The following WDPCP variants were observed in gnomAD, a reference collection of about 807,000 sequenced individuals.
The protein encoded by WDPCP is WD repeat-containing and planar cell polarity effector protein fritz homolog.
Under a neutral mutation model 93.1 loss-of-function variants are expected in WDPCP, and 71 were observed. The observed-to-expected ratio is 0.76, with a 90% confidence interval of 0.63 to 0.93. The LOEUF (loss-of-function observed/expected upper bound fraction) is 0.93. WDPCP is among the 40% of genes least tolerant of loss of function. The probability of loss-of-function intolerance (pLI) is 0.00; values close to 1 mark genes in which losing one functional copy is unlikely to be tolerated. For synonymous variants in WDPCP, 315 were observed against 315.0 expected, an observed-to-expected ratio of 1.00 and a Z score of 0.00; for missense variants, 844 against 887.4, an observed-to-expected ratio of 0.95 and a Z score of 0.62.
intron 10 of WDPCP, among the ~76,000 whole-genome samples, chr2:63,385,494 T>C (rs1692654163): frequency 6.6e-6 from 1 of 152,068 alleles, no homozygotes. Context: ...ACAATAAAAA[T>C]TGTAATAAAA....
At chr2:63,420,267 A>T (rs1269227772) in intron 9 of WDPCP, among the ~76,000 whole-genome samples, 4 of 151,840 alleles carry the variant, frequency 2.6e-5, no homozygotes, top group Non-Finnish European at 5.9e-5. Flanking sequence ...TCACGCCTGT[A>T]ATCCCAACAC....
intron 6 of WDPCP, among the ~76,000 whole-genome samples, chr2:63,470,443 T>G (rs1161268443): frequency 1.3e-5 from 2 of 152,136 alleles, no homozygotes; most frequent in East Asian, 3.9e-4. Flanking sequence ...ATTCTTCCAA[T>G]TCCTCAGAAA....
chr2:63,407,540 CTA>C (rs940733379), intron 9 of WDPCP, among the ~76,000 whole-genome samples: 6 of 152,162 alleles, frequency 3.9e-5, no homozygotes, highest in Admixed American at 1.3e-4. Flanking sequence ...TTTCCCTGCT[CTA>C]TAACTTCATT....
intron 4 of WDPCP, among the ~76,000 whole-genome samples, chr2:63,485,906 AAAC>A (rs1333429664): frequency 6.6e-6 from 1 of 151,834 alleles, no homozygotes; most frequent in African/African-American, 2.4e-5. Flanking sequence ...TTGGGTCTAT[AAAC>A]AATTTTGATG....
intron 1 of WDPCP, among the ~76,000 whole-genome samples, chr2:63,507,235 T>C (rs1282172182): frequency 6.6e-6 from 1 of 151,272 alleles, no homozygotes; most frequent in Non-Finnish European, 1.5e-5. Context: ...ATAAATAAAA[T>C]ATAGTAAAAG....
At chr2:63,282,228 C>T (rs895730075) in intron 13 of WDPCP, among the ~76,000 whole-genome samples, 5 of 152,100 alleles carry the variant, frequency 3.3e-5, no homozygotes, top group African/African-American at 1.2e-4. Flanking sequence ...GACATGGGCT[C>T]GGGCGCAGTG....
At chr2:63,546,030 C>T (rs1363532737) in intron 1 of WDPCP, among the ~76,000 whole-genome samples, 1 of 151,998 alleles carries the variant, frequency 6.6e-6, no homozygotes, top group African/African-American at 2.4e-5. Flanking sequence ...ACAGCCATAC[C>T]TCTCAGGATC....
intron 12 of WDPCP, among the ~76,000 whole-genome samples, chr2:63,358,735 T>G (rs191031987): frequency 3.8e-4 from 58 of 152,288 alleles, no homozygotes; most frequent in Admixed American, 1.8e-3. Flanking sequence ...GGATTACAGG[T>G]GTGAGCCACC....
chr2:63,514,116 G>T (rs1214630350), intron 1 of WDPCP, among the ~76,000 whole-genome samples: 1 of 152,066 alleles, frequency 6.6e-6, no homozygotes, highest in Non-Finnish European at 1.5e-5. Flanking sequence ...TATAAACATG[G>T]AAGCAAATAC....
At chr2:63,472,018 A>G (rs1699720053) in intron 6 of WDPCP, among the ~76,000 whole-genome samples, 1 of 152,126 alleles carries the variant, frequency 6.6e-6, no homozygotes, top group Admixed American at 6.5e-5. Flanking sequence ...ACATGTGACA[A>G]TTTAGAATTT....
intron 12 of WDPCP, among the ~76,000 whole-genome samples, chr2:63,373,945 A>ATGTT (rs1321899036): frequency 1.3e-5 from 2 of 151,802 alleles, no homozygotes; most frequent in Non-Finnish European, 2.9e-5. Context: ...TCTGATTTAT[A>ATGTT]TGTTGTTATT....
chr2:63,275,006 A>T (rs1400918183), intron 13 of WDPCP, among the ~76,000 whole-genome samples: 1 of 152,160 alleles, frequency 6.6e-6, no homozygotes, highest in Non-Finnish European at 1.5e-5. Flanking sequence ...AAAAACCTAT[A>T]GGCCAAAAAC....
At chr2:63,521,283 AC>A (rs1184519579) in intron 1 of WDPCP, among the ~76,000 whole-genome samples, 1 of 152,290 alleles carries the variant, frequency 6.6e-6, no homozygotes, top group Admixed American at 6.5e-5. Context: ...AAGAAGCAAA[AC>A]CCAATGATAT....
intron 3 of WDPCP, among the ~76,000 whole-genome samples, chr2:63,636,629 G>A (rs987829179): frequency 2.0e-5 from 3 of 151,962 alleles, no homozygotes; most frequent in Non-Finnish European, 4.4e-5. Context: ...TAGAGACAGG[G>A]TCTCAATATG....
At chr2:63,461,512 A>G (rs1699007022) in intron 6 of WDPCP, among the ~76,000 whole-genome samples, 1 of 152,156 alleles carries the variant, frequency 6.6e-6, no homozygotes. Context: ...CCACGAGCCA[A>G]TTAAACCCCT....
chr2:63,209,542 T>G (rs1676602686), intron 14 of WDPCP, among the ~76,000 whole-genome samples: 3 of 152,212 alleles, frequency 2.0e-5, no homozygotes, highest in African/African-American at 7.2e-5. Context: ...CCTGTAGCTG[T>G]TGGTGATTTA....
chr2:63,807,196 G>A (rs561014370), intron 2 of WDPCP, among the ~76,000 whole-genome samples: 82 of 152,080 alleles, frequency 5.4e-4, no homozygotes, highest in Middle Eastern at 3.4e-3. Context: ...TGGTCCCTCC[G>A]TCTGGGGTCC....
intron 2 of WDPCP, among the ~76,000 whole-genome samples, chr2:63,777,558 A>G (rs930878372): frequency 4.6e-5 from 7 of 152,254 alleles, no homozygotes; most frequent in African/African-American, 1.4e-4. Context: ...ATTGTAGTAT[A>G]TCCATAAAAT....
chr2:63,683,507 C>A (rs1223831576), intron 2 of WDPCP, among the ~76,000 whole-genome samples: 3 of 151,854 alleles, frequency 2.0e-5, no homozygotes, highest in East Asian at 3.9e-4. Flanking sequence ...TTATATTTAT[C>A]ATAATATGAT....
Sources: allele counts gnomAD v4.1 joint callset (sites outside exome capture counted in the v4.1 genomes callset), GRCh38; gene constraint gnomAD v4.1.1; transcripts MANE v1.5; gene names NCBI Gene and HGNC (gene_info 2026-07-23, HGNC 2026-07-21).